CPNE5: variants seen among roughly 807,000 people sequenced by gnomAD.
CPNE5 encodes the protein copine 5, also known as copine-5.
A neutral mutation model predicts 81.1 loss-of-function variants in CPNE5; 42 were observed. The observed-to-expected ratio is 0.52, with a 90% CI of 0.40 to 0.67. The LOEUF is 0.67. Ranked by LOEUF, CPNE5 falls within the 30% of genes least tolerant of loss-of-function variation. The probability of loss-of-function intolerance (pLI) is 0.00; values close to 1 mark genes in which losing one functional copy is unlikely to be tolerated. For synonymous variants in CPNE5, 313 were observed against 321.5 expected (o/e 0.97, Z 0.28); for missense variants, 612 against 815.5 (o/e 0.75, Z 3.04).
chr6:36,746,545 T>G lies in CPNE5; in HGVS notation c.1051A>C (p.Met351Leu). The change falls in exon 16 of 21, where the codon ATG (methionine) becomes CTG (leucine). Residue 351 changes from methionine to leucine, a missense_variant. Physicochemically the swap from Met to Leu is conservative, Grantham distance 15. Transcript: ENST00000244751. The surrounding 1 kb of genome is among the most constrained non-coding windows in gnomAD (Gnocchi z 4.5). ...TAGGCGTTCAGCTGGTAGGGGCTCA[T>G]GTAGTGCAGGGATGTGGACTGTGAG... Reference protein sequence around the residue: ...NPSQSTSLHYMSPYQLNAYAL... With the variant: ...NPSQSTSLHYLSPYQLNAYAL... 1 of 1,613,670 alleles carries G rather than the reference T, an allele frequency of 6.2e-7. No individual in the cohort carries two copies. The highest frequency in any genetic ancestry group is 1.1e-5 in the South Asian group (1 of 91,072).
intron 9 of CPNE5, 40 bp downstream of exon 9, chr6:36,778,814 A>G: frequency 7.3e-7 from 1 of 1,375,376 alleles, no homozygotes; most frequent in Non-Finnish European, 1.0e-6. Flanking sequence ...CCCAGAAGGG[A>G]CGAGAAGGTG....
chr6:36,752,248 C>A (rs1764921965), intron 14 of CPNE5, among the ~76,000 whole-genome samples: 1 of 152,186 alleles, frequency 6.6e-6, no homozygotes, highest in African/African-American at 2.4e-5. Context: ...GGGCTCTTGG[C>A]TGCCCACGCC....
At position 36,743,994 on chromosome 6, in the gene CPNE5, G is replaced by A. The variant is rs372554829; in HGVS notation, c.1490-232C>T. On this transcript the variant is annotated intron_variant, in intron 19 of 20. Coordinates refer to ENST00000244751, the MANE Select transcript of CPNE5 (RefSeq NM_020939.2). ...TTCACCACCCTCCCCAGACTCCCAGGGCTGGAGGAGAAAGAAGTGACTTGG... is the reference window on the plus strand; with the variant it reads ...TTCACCACCCTCCCCAGACTCCCAGAGCTGGAGGAGAAAGAAGTGACTTGG... 1.3e-3 allele frequency among the ~76,000 whole-genome samples: 198 copies of A among 152,372 alleles called. 2 individuals carry two copies. In the South Asian group the frequency reaches 0.017, roughly 13 times the overall value.
At chr6:36,817,687 C>G (rs1771670015) in intron 3 of CPNE5, among the ~76,000 whole-genome samples, 1 of 152,180 alleles carries the variant, frequency 6.6e-6, no homozygotes, top group Non-Finnish European at 1.5e-5. Flanking sequence ...GAAAGACTGA[C>G]CCAAGTTGAC....
chr6:36,759,831 G>A lies in CPNE5; in HGVS notation c.855+3086C>T, dbSNP rs557633418. 3.3e-5 allele frequency among the ~76,000 whole-genome samples: 5 copies of A among 151,988 alleles called. No individual in the cohort carries two copies. In the East Asian group the frequency reaches 9.8e-4, roughly 30 times the overall value. On this transcript the variant is annotated intron_variant, in intron 12 of 20. Transcript: ENST00000244751. ...TTCAGAGAGCCTCAGGTGGCAGGAC[G>A]GGGATGAATGTGGGAATGGGCAGAG...
intron 8 of CPNE5, among the ~76,000 whole-genome samples, chr6:36,780,720 A>G (rs1767971500): frequency 6.6e-6 from 1 of 152,210 alleles, no homozygotes; most frequent in African/African-American, 2.4e-5. Context: ...TCTGATGACA[A>G]CAAACACAGC....
At chr6:36,773,926 C>T (rs989043803) in intron 10 of CPNE5, among the ~76,000 whole-genome samples, 9 of 151,968 alleles carry the variant, frequency 5.9e-5, no homozygotes, top group Non-Finnish European at 1.2e-4. Flanking sequence ...ATTAGCCGGG[C>T]GTGGTGGTGC....
intron 10 of CPNE5, among the ~76,000 whole-genome samples, chr6:36,773,567 T>C (rs577556656): frequency 8.7e-4 from 133 of 152,232 alleles, no homozygotes; most frequent in Admixed American, 9.8e-4. Flanking sequence ...CCCTAAACAT[T>C]TGTGGATGAG....
chr6:36,831,360 T>C (rs1389921404), intron 1 of CPNE5, among the ~76,000 whole-genome samples: 1 of 151,204 alleles, frequency 6.6e-6, no homozygotes, highest in Non-Finnish European at 1.5e-5. Context: ...CGGACTCTTT[T>C]TATTTTTTAT....
Position 36,742,099 on chromosome 6 carries a change from G to A in CPNE5, c.*169C>T. ...AACTCCCTGGGTTTGGGCAATAAGT[G>A]AGGCCAAGAAATTGAGGAGGGGTCT... is the stretch of plus-strand genomic sequence containing the variant. On this transcript the variant is annotated 3_prime_UTR_variant, in exon 21 of 21. Transcript: ENST00000244751. 1.1e-5 allele frequency: 6 copies of A among 557,600 alleles called. No individual in the cohort carries two copies. Among genetic ancestry groups the A allele is most frequent in the Admixed American group, 6.7e-5 (2 of 29,872 alleles). 34.5% of individuals were successfully genotyped at this position (557,600 alleles called of 1,614,324 possible).
chr6:36,741,467 T>A lies in CPNE5; in HGVS notation c.*801A>T, dbSNP rs1214306953. ...GGCTGAGCCACTCCTTACTCAGGCC[T>A]CCAGATGGGCAGAGGCGTGGGCACC... On this transcript the variant is annotated 3_prime_UTR_variant, in exon 21 of 21. Coordinates refer to ENST00000244751, the MANE Select transcript of CPNE5 (RefSeq NM_020939.2). The A allele has an allele frequency of 1.3e-5, 2 of 152,152 alleles. No individual in the cohort carries two copies. Among genetic ancestry groups the A allele is most frequent in the East Asian group, 3.9e-4 (2 of 5,192 alleles). The allele number at this position is 152,152 out of a possible 1,614,324, so 9.4% of individuals were successfully genotyped here.
chr6:36,787,848 C>T (rs1446764312), intron 8 of CPNE5, among the ~76,000 whole-genome samples: 2 of 152,054 alleles, frequency 1.3e-5, no homozygotes, highest in East Asian at 1.9e-4. Context: ...CTGGCTGGGA[C>T]GGCCAGTCAG....
chr6:36,825,403 C>T (rs920276554), intron 1 of CPNE5, among the ~76,000 whole-genome samples: 2 of 152,098 alleles, frequency 1.3e-5, no homozygotes, highest in African/African-American at 2.4e-5. Flanking sequence ...CCCTGGAGAA[C>T]TCTCACCCCT....
At position 36,758,240 on chromosome 6, in the gene CPNE5, C is replaced by G. The variant is rs563394777; in HGVS notation, c.856-1942G>C. Among the ~76,000 whole-genome samples, 6 of 152,262 alleles carry G rather than the reference C, an allele frequency of 3.9e-5. No homozygotes were observed. In the East Asian group the frequency reaches 1.2e-3, roughly 29 times the overall value. ...TAAATGGGCCAATGCAAGCAAAGTG[C>G]CTAGAACAGTTTGGAATGTAGTAAG... On this transcript the variant is annotated intron_variant, in intron 12 of 20. Coordinates refer to ENST00000244751, the MANE Select transcript of CPNE5 (RefSeq NM_020939.2).
At chr6:36,768,233 T>C (rs12196057) in intron 10 of CPNE5, among the ~76,000 whole-genome samples, 777 of 36,624 alleles carry the variant, frequency 0.021, 15 homozygotes, top group South Asian at 0.03. Flanking sequence ...TTCTTTTTTT[T>C]TTTTTTTTTT....
intron 15 of CPNE5, among the ~76,000 whole-genome samples, chr6:36,747,110 C>T (rs1213694928): frequency 6.6e-6 from 1 of 152,140 alleles, no homozygotes. Context: ...ACACTCTTCC[C>T]CAGATGTCCA....
In CPNE5 at chr6:36,821,374, T is replaced by C. The variant is rs935559608; in HGVS notation, c.183+740A>G. 2.0e-5 allele frequency among the ~76,000 whole-genome samples: 3 copies of C among 152,224 alleles called. No homozygotes were observed. The East Asian group carries it at 5.8e-4, about 29-fold the overall frequency. On this transcript the variant is annotated intron_variant, in intron 3 of 20. Transcript: ENST00000244751. ...CACGATGGGAGCCACAGGAGGGCTC[T>C]GAGCAGAAAAGAGACAGAATTTGAC... is the stretch of plus-strand genomic sequence containing the variant.
At chr6:36,793,364 C>T (rs1356107719) in intron 7 of CPNE5, among the ~76,000 whole-genome samples, 3 of 152,178 alleles carry the variant, frequency 2.0e-5, no homozygotes, top group African/African-American at 7.2e-5. Flanking sequence ...GCCAGGTTGT[C>T]CCCCTAGACT....
chr6:36,839,249 C>A lies in CPNE5; in HGVS notation c.95+34G>T. 1 of 1,466,632 alleles carries A rather than the reference C, an allele frequency of 6.8e-7. No homozygotes were observed. Among genetic ancestry groups the A allele is most frequent in the East Asian group, 2.6e-5 (1 of 38,824 alleles). 90.9% of individuals were successfully genotyped at this position (1,466,632 alleles called of 1,614,324 possible). On this transcript the variant is annotated intron_variant, in intron 1 of 20. Transcript: ENST00000244751. The surrounding 1 kb of genome is among the most constrained non-coding windows in gnomAD (Gnocchi z 7.3). ...GGCCGCGGGGCTCTGCGTCCAGGGC[C>A]GGGGCAAGGGGACCCGGCCAGCGGG...
Sources: gnomAD v4.1 joint callset for allele counts (sites outside exome capture counted in the v4.1 genomes callset) on GRCh38, gnomAD v4.1.1 for gene constraint, Gnocchi (gnomAD v3.1) non-coding constraint, MANE v1.5 for transcripts, NCBI Gene and HGNC (gene_info 2026-07-23, HGNC 2026-07-21) for gene names.